HDAC9: variants seen among roughly 807,000 people sequenced by gnomAD.
The protein encoded by HDAC9 is MEF-2 interacting transcription repressor (MITR) protein.
HDAC9 carries 41 observed loss-of-function variants against 139.4 expected under a neutral mutation model. That is an observed-to-expected ratio of 0.29 (90% CI 0.23 to 0.38). HDAC9 has a LOEUF of 0.38. Among genes scored for constraint, HDAC9 ranks in the 10% least tolerant of loss-of-function variants. The pLI is 1.00. For synonymous variants in HDAC9, 517 were observed against 476.2 expected (o/e 1.09, Z -1.12); for missense variants, 1,147 against 1,297.0 (o/e 0.88, Z 1.78).
intron 2 of HDAC9, among the ~76,000 whole-genome samples, chr7:18,536,112 G>C (rs142343601): frequency 6.6e-6 from 1 of 152,296 alleles, no homozygotes; most frequent in East Asian, 1.9e-4. Flanking sequence ...AAAAGTGCCA[G>C]AGAATTAATG....
At chr7:18,214,874 T>C (rs1167002639) in intron 2 of HDAC9, among the ~76,000 whole-genome samples, 1 of 152,096 alleles carries the variant, frequency 6.6e-6, no homozygotes, top group African/African-American at 2.4e-5. Flanking sequence ...AGCAAACTGA[T>C]GGGGGCATGG....
intron 21 of HDAC9, among the ~76,000 whole-genome samples, chr7:18,848,784 C>T (rs538582888): frequency 7.9e-5 from 12 of 152,150 alleles, no homozygotes; most frequent in Admixed American, 2.6e-4. Context: ...ATCTTCCAAA[C>T]CATATTTTGC....
chr7:18,646,963 A>G (rs577508707), intron 9 of HDAC9, among the ~76,000 whole-genome samples: 128 of 152,276 alleles, frequency 8.4e-4, no homozygotes, highest in African/African-American at 3.1e-3. Context: ...AAATGTTTAA[A>G]TCAAATTTCT....
chr7:18,646,994 A>G (rs1584550539), intron 9 of HDAC9, among the ~76,000 whole-genome samples: 1 of 152,164 alleles, frequency 6.6e-6, no homozygotes, highest in South Asian at 2.1e-4. Context: ...ACCTCCTTTC[A>G]TTGGGTTATT....
chr7:18,176,996 A>G (rs150089016), intron 2 of HDAC9, among the ~76,000 whole-genome samples: 4 of 152,362 alleles, frequency 2.6e-5, no homozygotes, highest in Non-Finnish European at 4.4e-5. Flanking sequence ...GAGTTAGGTA[A>G]TGTACACTAT....
intron 12 of HDAC9, among the ~76,000 whole-genome samples, chr7:18,716,990 C>CT (rs528916567): frequency 0.015 from 1,675 of 115,070 alleles, 16 homozygotes; most frequent in South Asian, 0.036. Flanking sequence ...CTCGTTAGCA[C>CT]TTTTTTTTTT....
Position 18,299,119 on chromosome 7 carries a change from C to G in HDAC9, c.-42+8604C>G, listed in dbSNP as rs113899533. ...AGTAAATAACCTCAGGTGTAGGACT[C>G]TGCATTGTAAAGTGGTACATTTAAT... On this transcript the variant is annotated intron_variant, in intron 1 of 3. Coordinates refer to the HDAC9 transcript ENST00000413509. Among the ~76,000 whole-genome samples, 374 of 151,790 alleles carry G rather than the reference C, an allele frequency of 2.5e-3. 2 individuals are homozygous for G. The highest frequency in any genetic ancestry group is 8.7e-3 in the African/African-American group (359 of 41,390).
At position 18,762,341 on chromosome 7, in the gene HDAC9, G is replaced by C. The variant is rs571877590; in HGVS notation, c.2164+64G>C. 5.4e-5 allele frequency: 85 copies of C among 1,575,270 alleles called. No homozygotes were observed. The African/African-American group carries it at 1.1e-3, about 19-fold the overall frequency. Reference sequence around the variant, plus strand: ...CCAGCACTATCATTAGTCAACGCTGGTGTCAGTTCAAAATACTTGGCAAGT... The same window carrying C: ...CCAGCACTATCATTAGTCAACGCTGCTGTCAGTTCAAAATACTTGGCAAGT... On this transcript the variant is annotated intron_variant, in intron 15 of 25. Coordinates refer to ENST00000686413, the MANE Select transcript of HDAC9 (RefSeq NM_178425.4).
intron 1 of HDAC9, among the ~76,000 whole-genome samples, chr7:18,381,086 C>T (rs774400815): frequency 1.3e-5 from 2 of 149,020 alleles, no homozygotes; most frequent in Non-Finnish European, 3.0e-5. Context: ...TAGTCCTGCA[C>T]TACTGGGGAG....
chr7:18,655,999 A>G (rs1446747509), intron 11 of HDAC9, among the ~76,000 whole-genome samples: 1 of 151,764 alleles, frequency 6.6e-6, no homozygotes, highest in Admixed American at 6.6e-5. Flanking sequence ...AATTTTTAAT[A>G]TAGTTAAGTG....
rs34349667 is a variant in HDAC9 at position 18,758,788 on chromosome 7, ATTTT to A, written c.2044-3357_2044-3354del. On this transcript the variant is annotated intron_variant, in intron 14 of 25. Coordinates refer to ENST00000686413, the MANE Select transcript of HDAC9 (RefSeq NM_178425.4). The stretch of plus-strand genomic sequence containing the variant: ...CCAGATCCTGTCTACAGGTAGAAAC[ATTTT>A]TTTTTTTTTTTGGTACTGAATTAGT... Among the ~76,000 whole-genome samples, 10 of 144,594 alleles carry A rather than the reference ATTTT, an allele frequency of 6.9e-5. No individual in the cohort carries two copies. The East Asian group carries it at 9.9e-4, about 14-fold the overall frequency. 94.9% of individuals were successfully genotyped at this position (144,594 alleles called of 152,430 possible).
chr7:18,753,341 C>T (rs1321405968), intron 14 of HDAC9, among the ~76,000 whole-genome samples: 1 of 151,972 alleles, frequency 6.6e-6, no homozygotes, highest in East Asian at 1.9e-4. Flanking sequence ...ATCAGTGGGG[C>T]CCTGTGACCA....
intron 2 of HDAC9, among the ~76,000 whole-genome samples, chr7:18,552,868 C>CA (rs1298433635): frequency 6.6e-6 from 1 of 152,122 alleles, no homozygotes; most frequent in Non-Finnish European, 1.5e-5. Flanking sequence ...GAATTATCAT[C>CA]AAAGAGAGAA....
chr7:18,439,542 T>C (rs549466325), intron 1 of HDAC9, among the ~76,000 whole-genome samples: 3 of 152,014 alleles, frequency 2.0e-5, no homozygotes, highest in Non-Finnish European at 4.4e-5. Context: ...ACCATCACCT[T>C]CCCCGATTCA....
chr7:18,901,640 G>A (rs1204155256), intron 22 of HDAC9, among the ~76,000 whole-genome samples: 2 of 152,026 alleles, frequency 1.3e-5, no homozygotes, highest in Non-Finnish European at 2.9e-5. Context: ...TATAGTATGG[G>A]TATTTTACCA....
chr7:18,242,387 A>G (rs1466252973), intron 2 of HDAC9, among the ~76,000 whole-genome samples: 4 of 152,172 alleles, frequency 2.6e-5, no homozygotes, highest in Non-Finnish European at 5.9e-5. Flanking sequence ...CAGAAGTCCG[A>G]TTGATTTGTT....
intron 6 of HDAC9, among the ~76,000 whole-genome samples, chr7:18,623,248 A>G (rs749801902): frequency 4.6e-5 from 7 of 152,170 alleles, no homozygotes; most frequent in African/African-American, 1.2e-4. Context: ...ACAGAATACA[A>G]TTTATAAGCA....
intron 2 of HDAC9, among the ~76,000 whole-genome samples, chr7:18,503,775 A>G (rs952592934): frequency 1.3e-5 from 2 of 152,206 alleles, no homozygotes; most frequent in African/African-American, 4.8e-5. Context: ...CACCACTTGT[A>G]TCAGAAACTT....
chr7:18,699,364 CTG>C (rs374334891), intron 12 of HDAC9, among the ~76,000 whole-genome samples: 4 of 151,314 alleles, frequency 2.6e-5, no homozygotes, highest in African/African-American at 9.7e-5. Context: ...GTAGGTGTGT[CTG>C]TGTGTGTGTG....
Sources: allele counts gnomAD v4.1 joint callset (sites outside exome capture counted in the v4.1 genomes callset), GRCh38; gene constraint gnomAD v4.1.1; transcripts MANE v1.5; gene names NCBI Gene and HGNC (gene_info 2026-07-23, HGNC 2026-07-21).